Variants in SCHIP1 observed in about 807,000 individuals in gnomAD.
The protein encoded by SCHIP1 is schwannomin interacting protein 1.
A neutral mutation model predicts 29.7 loss-of-function variants in SCHIP1; 8 were observed. The observed-to-expected ratio is 0.27, with a 90% CI of 0.16 to 0.49. The LOEUF is 0.49. Ranked by LOEUF, SCHIP1 falls within the 20% of genes least tolerant of loss-of-function variation. The pLI is 0.99. For missense variants in SCHIP1, 193 were observed against 294.6 expected, an observed-to-expected ratio of 0.66 and a Z score of 2.52; for synonymous variants, 76 against 94.9, an observed-to-expected ratio of 0.80 and a Z score of 1.16.
the SCHIP1 span, among the ~76,000 whole-genome samples, chr3:159,311,861 T>G: frequency 1.3e-5 from 2 of 152,186 alleles, no homozygotes; most frequent in African/African-American, 4.8e-5. Flanking sequence ...TAAGGTGGCT[T>G]ATAGTTAGAG....
chr3:159,784,911 C>T, the SCHIP1 span, among the ~76,000 whole-genome samples: 1 of 152,244 alleles, frequency 6.6e-6, no homozygotes. Context: ...GCCTCTGCCC[C>T]CAAAGTGCTA....
chr3:159,778,505 A>T, the SCHIP1 span, among the ~76,000 whole-genome samples: 1 of 152,072 alleles, frequency 6.6e-6, no homozygotes, highest in African/African-American at 2.4e-5. Flanking sequence ...CTAACCTACA[A>T]ACTTTATTGA....
chr3:159,557,328 T>C, the SCHIP1 span, among the ~76,000 whole-genome samples: 2 of 152,224 alleles, frequency 1.3e-5, no homozygotes, highest in African/African-American at 4.8e-5. Flanking sequence ...AAAATGTTTG[T>C]AAATAAGAAT....
At chr3:159,375,339 G>A in the SCHIP1 span, among the ~76,000 whole-genome samples, 1 of 152,236 alleles carries the variant, frequency 6.6e-6, no homozygotes, top group Non-Finnish European at 1.5e-5. Context: ...TCACAGATGG[G>A]CAGGAGGCAA....
intron 2 of SCHIP1, among the ~76,000 whole-genome samples, chr3:159,877,473 T>C (rs1200527958): frequency 6.6e-6 from 1 of 152,182 alleles, no homozygotes; most frequent in Non-Finnish European, 1.5e-5. Context: ...ACAAACTAAA[T>C]CATGAAAGCC....
At chr3:159,478,511 G>A in the SCHIP1 span, among the ~76,000 whole-genome samples, 1 of 152,078 alleles carries the variant, frequency 6.6e-6, no homozygotes, top group Admixed American at 6.6e-5. Flanking sequence ...AAATCAGGAA[G>A]TACAATGACT....
chr3:159,521,669 G>A, the SCHIP1 span, among the ~76,000 whole-genome samples: 1 of 152,182 alleles, frequency 6.6e-6, no homozygotes, highest in Non-Finnish European at 1.5e-5. Flanking sequence ...AATTATACTG[G>A]AGCAGAATTG....
rs905992102 is a variant in SCHIP1 at position 159,840,271 on chromosome 3, C to T, written c.30+57C>T. On this transcript the variant is annotated intron_variant, in intron 1 of 6. Transcript: ENST00000445224. ...ATCCTTTGGGAGAGGAGGCCTTCCT[C>T]TTCCAAAGCAGCAGGTTGCCTCTTT... 45 of 1,432,966 alleles carry T rather than the reference C, an allele frequency of 3.1e-5. No individual in the cohort carries two copies. In the South Asian group the frequency reaches 5.1e-4, roughly 16 times the overall value. 88.8% of individuals were successfully genotyped at this position (1,432,966 alleles called of 1,614,324 possible). A position where few individuals can be genotyped will look rare whatever the true frequency, so the allele number is the denominator to read the frequency against.
At chr3:159,703,723 C>G in the SCHIP1 span, among the ~76,000 whole-genome samples, 190 of 152,268 alleles carry the variant, frequency 1.2e-3, no homozygotes, top group African/African-American at 4.5e-3. Context: ...TGTTAAGAAA[C>G]AAGGAATACA....
chr3:159,860,588 G>GATAATT (rs1228356814), intron 1 of SCHIP1, among the ~76,000 whole-genome samples: 4 of 152,176 alleles, frequency 2.6e-5, no homozygotes, highest in Non-Finnish European at 4.4e-5. Flanking sequence ...AAGTACATCC[G>GATAATT]ATAATTTTTA....
chr3:159,540,025 G>T, the SCHIP1 span, among the ~76,000 whole-genome samples: 1 of 151,948 alleles, frequency 6.6e-6, no homozygotes, highest in Non-Finnish European at 1.5e-5. Context: ...TATAGATACA[G>T]GTATAATCTT....
chr3:159,392,116 C>G, the SCHIP1 span, among the ~76,000 whole-genome samples: 1 of 152,136 alleles, frequency 6.6e-6, no homozygotes, highest in African/African-American at 2.4e-5. Context: ...TTTGGAAGCA[C>G]CTCAGAGTTG....
the SCHIP1 span, among the ~76,000 whole-genome samples, chr3:159,532,477 T>A: frequency 6.6e-6 from 1 of 152,338 alleles, no homozygotes; most frequent in Non-Finnish European, 1.5e-5. Context: ...AGCTTTGTCA[T>A]GATTTTCTAT....
chr3:159,733,611 G>A, the SCHIP1 span, among the ~76,000 whole-genome samples: 23 of 152,178 alleles, frequency 1.5e-4, no homozygotes, highest in East Asian at 3.5e-3. Flanking sequence ...CAAGAAGGCT[G>A]GATTAAAATT....
chr3:159,864,470 T>TACACACAC (rs58371525), intron 1 of SCHIP1, among the ~76,000 whole-genome samples: 5,731 of 139,844 alleles, frequency 0.041, 141 homozygotes, highest in Non-Finnish European at 0.052. Context: ...ATGGCTGTAC[T>TACACACAC]ACACACACAC....
At chr3:159,608,598 T>A in the SCHIP1 span, among the ~76,000 whole-genome samples, 2 of 152,216 alleles carry the variant, frequency 1.3e-5, no homozygotes, top group Non-Finnish European at 2.9e-5. Context: ...GCCAGTTAAG[T>A]ACTTCAATAT....
the SCHIP1 span, among the ~76,000 whole-genome samples, chr3:159,829,598 G>T: frequency 4.1e-4 from 62 of 152,160 alleles, no homozygotes; most frequent in African/African-American, 1.4e-3. Flanking sequence ...TTCGACGTCA[G>T]CATATTTAAT....
chr3:159,831,507 A>T, the SCHIP1 span, among the ~76,000 whole-genome samples: 2 of 152,214 alleles, frequency 1.3e-5, no homozygotes, highest in African/African-American at 4.8e-5. Context: ...TTAATTTATA[A>T]ATTAGGTACA....
At chr3:159,689,163 C>T in the SCHIP1 span, among the ~76,000 whole-genome samples, 56 of 152,270 alleles carry the variant, frequency 3.7e-4, no homozygotes, top group African/African-American at 1.3e-3. Flanking sequence ...CTGGGAATAC[C>T]ACTGAATCTA....
Sources: gnomAD v4.1 joint callset for allele counts (sites outside exome capture counted in the v4.1 genomes callset) on GRCh38, gnomAD v4.1.1 for gene constraint, MANE v1.5 for transcripts, NCBI Gene and HGNC (gene_info 2026-07-23, HGNC 2026-07-21) for gene names.